The following TTC28 variants were observed in gnomAD, a reference collection of about 807,000 sequenced individuals.
The protein encoded by TTC28 is tetratricopeptide repeat domain 28, also known as tetratricopeptide repeat protein 28.
TTC28 carries 61 observed loss-of-function variants against 198.0 expected under a neutral mutation model. The ratio of observed to expected loss-of-function variants is 0.31; its 90% CI spans 0.25 to 0.38. The LOEUF is 0.38. TTC28 is among the 10% of genes least tolerant of loss of function. TTC28 has a pLI of 1.00. For missense variants in TTC28, 2,678 were observed against 3,164.0 expected (o/e 0.85, Z 3.69); for synonymous variants, 1,171 against 1,297.8 (o/e 0.90, Z 2.10).
intron 2 of TTC28, among the ~76,000 whole-genome samples, chr22:28,336,969 G>A (rs2045732994): frequency 6.6e-6 from 1 of 151,938 alleles, no homozygotes; most frequent in African/African-American, 2.4e-5. Flanking sequence ...TTTCTCTTGT[G>A]GGCATTTAGT....
At chr22:28,170,710 C>G (rs1254285685) in intron 5 of TTC28, among the ~76,000 whole-genome samples, 2 of 152,082 alleles carry the variant, frequency 1.3e-5, no homozygotes, top group African/African-American at 4.8e-5. Context: ...GGGTCCTGCT[C>G]TCTTATCTTT....
intron 2 of TTC28, among the ~76,000 whole-genome samples, chr22:28,455,353 A>T (rs1212768705): frequency 6.6e-6 from 1 of 152,204 alleles, no homozygotes; most frequent in East Asian, 1.9e-4. Flanking sequence ...TTAATATAAT[A>T]AAAGGTTTTC....
chr22:28,472,626 C>A (rs973407051), intron 2 of TTC28, among the ~76,000 whole-genome samples: 1 of 146,494 alleles, frequency 6.8e-6, no homozygotes, highest in Non-Finnish European at 1.5e-5. Flanking sequence ...AAACTGCAAC[C>A]GTAAAATAAG....
intron 5 of TTC28, among the ~76,000 whole-genome samples, chr22:28,209,988 T>C (rs1926778272): frequency 6.6e-6 from 1 of 152,218 alleles, no homozygotes; most frequent in Non-Finnish European, 1.5e-5. Context: ...CAATATTTGC[T>C]GTTCGGCAGC....
chr22:28,601,372 G>A (rs1463613586), intron 2 of TTC28, among the ~76,000 whole-genome samples: 2 of 152,104 alleles, frequency 1.3e-5, no homozygotes, highest in East Asian at 3.9e-4. Flanking sequence ...CATGGGTTCT[G>A]CATCTGTGGA....
At chr22:28,092,377 A>T (rs1601610606) in intron 12 of TTC28, among the ~76,000 whole-genome samples, 2 of 152,162 alleles carry the variant, frequency 1.3e-5, no homozygotes, top group Non-Finnish European at 2.9e-5. Context: ...CACAGTGAGC[A>T]CTCAAAATAC....
At chr22:28,261,932 T>G (rs1931349324) in intron 5 of TTC28, among the ~76,000 whole-genome samples, 1 of 152,172 alleles carries the variant, frequency 6.6e-6, no homozygotes, top group Non-Finnish European at 1.5e-5. Flanking sequence ...CCTAGATGAC[T>G]TGAGATCTAA....
At chr22:28,089,841 A>G (rs1350724257) in intron 12 of TTC28, among the ~76,000 whole-genome samples, 1 of 151,898 alleles carries the variant, frequency 6.6e-6, no homozygotes, top group African/African-American at 2.4e-5. Context: ...GGAAACTATC[A>G]TTCTCAGCAA....
At chr22:28,621,703 G>A (rs1224778914) in intron 2 of TTC28, among the ~76,000 whole-genome samples, 3 of 145,158 alleles carry the variant, frequency 2.1e-5, no homozygotes, top group Non-Finnish European at 4.5e-5. Context: ...TGATGGCACT[G>A]CTGCACTCCA....
chr22:28,299,192 T>C (rs570901102), intron 3 of TTC28, among the ~76,000 whole-genome samples: 1 of 152,210 alleles, frequency 6.6e-6, no homozygotes, highest in South Asian at 2.1e-4. Context: ...GCACTTATTA[T>C]TAGCTTTCCT....
intron 2 of TTC28, among the ~76,000 whole-genome samples, chr22:28,347,607 C>T (rs1390104752): frequency 6.6e-6 from 1 of 152,188 alleles, no homozygotes; most frequent in African/African-American, 2.4e-5. Context: ...TGCAGTGGCT[C>T]ATGCCTGTAA....
chr22:28,124,168 T>TTTGTTGTTGTTGTTG (rs71316831), intron 6 of TTC28, among the ~76,000 whole-genome samples: 6 of 148,200 alleles, frequency 4.0e-5, no homozygotes, highest in African/African-American at 7.5e-5. Flanking sequence ...CTTATCTCTC[T>TTTGTTGTTGTTGTTG]TTGTTGTTGT....
intron 5 of TTC28, among the ~76,000 whole-genome samples, chr22:28,188,375 T>C (rs1924400750): frequency 1.3e-5 from 2 of 151,738 alleles, no homozygotes; most frequent in Non-Finnish European, 2.9e-5. Flanking sequence ...AAGGTGCCAA[T>C]AAAAGGCAAG....
chr22:28,008,734 A>G (rs1293539989), intron 14 of TTC28, among the ~76,000 whole-genome samples: 1 of 152,202 alleles, frequency 6.6e-6, no homozygotes, highest in Non-Finnish European at 1.5e-5. Flanking sequence ...CTCTGGACGA[A>G]GGGCCCAACT....
intron 2 of TTC28, among the ~76,000 whole-genome samples, chr22:28,591,032 C>CATATAT (rs2050421131): frequency 3.2e-5 from 2 of 62,596 alleles, no homozygotes; most frequent in East Asian, 1.2e-3. Flanking sequence ...CACACACACA[C>CATATAT]ACACACACAT....
At chr22:28,236,673 G>A (rs1250812394) in intron 5 of TTC28, among the ~76,000 whole-genome samples, 3 of 152,164 alleles carry the variant, frequency 2.0e-5, no homozygotes, top group Non-Finnish European at 4.4e-5. Context: ...TATGGGCTTG[G>A]TCAACTGCTT....
At chr22:28,404,102 G>A (rs2046960411) in intron 2 of TTC28, among the ~76,000 whole-genome samples, 1 of 152,044 alleles carries the variant, frequency 6.6e-6, no homozygotes, top group Non-Finnish European at 1.5e-5. Context: ...TTTTTAACTA[G>A]AATATATGTT....
At chr22:28,342,423 C>T (rs1287399295) in intron 2 of TTC28, among the ~76,000 whole-genome samples, 3 of 152,078 alleles carry the variant, frequency 2.0e-5, no homozygotes, top group Non-Finnish European at 2.9e-5. Flanking sequence ...AAAAACACAA[C>T]CATTGCCCAG....
intron 6 of TTC28, among the ~76,000 whole-genome samples, chr22:28,159,975 G>A (rs778972574): frequency 1.1e-4 from 16 of 152,186 alleles, no homozygotes; most frequent in Non-Finnish European, 2.1e-4. Flanking sequence ...AACATTGCAT[G>A]TTCTCACTTA....
Sources: allele counts gnomAD v4.1 joint callset (sites outside exome capture counted in the v4.1 genomes callset), GRCh38; gene constraint gnomAD v4.1.1; transcripts MANE v1.5; gene names NCBI Gene and HGNC (gene_info 2026-07-23, HGNC 2026-07-21).